The following CCDC50 variants were observed in gnomAD, a reference collection of about 807,000 sequenced individuals.
The protein encoded by CCDC50 is coiled-coil domain-containing protein 50.
CCDC50 carries 54 observed loss-of-function variants against 70.2 expected under a neutral mutation model. The observed-to-expected ratio is 0.77, with a 90% confidence interval of 0.62 to 0.96. CCDC50 has a LOEUF of 0.96. Ranked by LOEUF, CCDC50 falls within the 50% of genes least tolerant of loss-of-function variation. CCDC50 has a pLI of 0.00. For synonymous variants in CCDC50, 216 were observed against 198.8 expected (o/e 1.09, Z -0.73); for missense variants, 558 against 578.7 (o/e 0.96, Z 0.37).
At chr3:191,334,017 TA>T (rs1416764470) in intron 1 of CCDC50, among the ~76,000 whole-genome samples, 2 of 152,322 alleles carry the variant, frequency 1.3e-5, no homozygotes, top group African/African-American at 2.4e-5. Flanking sequence ...TAAAATTTTC[TA>T]AATGCTATTT....
intron 5 of CCDC50, among the ~76,000 whole-genome samples, chr3:191,371,909 T>A (rs184647266): frequency 6.6e-6 from 1 of 152,344 alleles, no homozygotes; most frequent in Non-Finnish European, 1.5e-5. Flanking sequence ...CTTAGAAATG[T>A]GGCCTGGTGT....
At position 191,393,883 on chromosome 3, in the gene CCDC50, A is replaced by G. The variant is rs1713776071; in HGVS notation, c.*2123A>G. On this transcript the variant is annotated 3_prime_UTR_variant, in exon 12 of 12. Transcript: ENST00000392455. ...ATTGTAATTTTAAAGGAAAAAAACA[A>G]TGTATTTTTATTTGATAACTAGGCA... 1.3e-5 allele frequency: 2 copies of G among 152,316 alleles called. No homozygotes were observed. Among genetic ancestry groups the G allele is most frequent in the Admixed American group, 6.5e-5 (1 of 15,304 alleles). The allele number at this position is 152,316 out of a possible 1,614,324, so 9.4% of individuals were successfully genotyped here. A position where few individuals can be genotyped will look rare whatever the true frequency, so the allele number is the denominator to read the frequency against.
chr3:191,361,784 G>T (rs927798444), intron 4 of CCDC50, among the ~76,000 whole-genome samples: 2 of 152,182 alleles, frequency 1.3e-5, no homozygotes, highest in Non-Finnish European at 2.9e-5. Context: ...AATGAATTTA[G>T]AGAGGGCACA....
intron 11 of CCDC50, among the ~76,000 whole-genome samples, chr3:191,391,404 G>A (rs1271378049): frequency 6.6e-6 from 1 of 152,106 alleles, no homozygotes; most frequent in Non-Finnish European, 1.5e-5. Context: ...TAAAAGTAAG[G>A]TTAGTTGGAC....
At chr3:191,366,902 C>G (rs1339334393) in intron 4 of CCDC50, among the ~76,000 whole-genome samples, 31 of 151,974 alleles carry the variant, frequency 2.0e-4, no homozygotes, top group Non-Finnish European at 4.4e-5. Context: ...TTAGCTACAT[C>G]CAAGTACTGT....
chr3:191,370,482 T>G (rs1279883201), intron 5 of CCDC50, among the ~76,000 whole-genome samples: 5 of 133,302 alleles, frequency 3.8e-5, no homozygotes, highest in South Asian at 2.3e-4. Flanking sequence ...TTGTTTGTTT[T>G]TTTGTTTTTT....
chr3:191,372,897 A>G (rs1022834969), intron 5 of CCDC50, among the ~76,000 whole-genome samples: 3 of 152,116 alleles, frequency 2.0e-5, no homozygotes, highest in African/African-American at 4.8e-5. Context: ...ACTAAATAAA[A>G]TGGAGATTAT....
chr3:191,392,035 C>T lies in CCDC50; in HGVS notation c.*275C>T, dbSNP rs113091922. ...TAGTATCTAAGACCTTTGTAAACTG[C>T]CATTTTGTTAGGTATGGAGTTTGGT... On this transcript the variant is annotated 3_prime_UTR_variant, in exon 12 of 12. Transcript: ENST00000392455. 3.0e-5 allele frequency: 12 copies of T among 397,522 alleles called. 1 individual carries two copies. The highest frequency in any genetic ancestry group is 1.4e-4 in the African/African-American group (7 of 49,800). 24.6% of individuals were successfully genotyped at this position (397,522 alleles called of 1,614,324 possible).
chr3:191,337,004 C>A (rs1711540108), intron 1 of CCDC50, among the ~76,000 whole-genome samples: 1 of 152,100 alleles, frequency 6.6e-6, no homozygotes, highest in African/African-American at 2.4e-5. Context: ...GTATGAAATT[C>A]AAATTTCAGT....
At chr3:191,373,624 C>T (rs773396414) in intron 5 of CCDC50, among the ~76,000 whole-genome samples, 179 of 152,016 alleles carry the variant, frequency 1.2e-3, no homozygotes, top group Non-Finnish European at 1.8e-3. Context: ...CTCATGTTGT[C>T]ACGATAGTCT....
intron 5 of CCDC50, among the ~76,000 whole-genome samples, chr3:191,374,114 A>C (rs182684092): frequency 7.2e-5 from 11 of 152,306 alleles, no homozygotes; most frequent in Admixed American, 3.3e-4. Context: ...AAAGTTTTAG[A>C]AAATGTTAAA....
intron 1 of CCDC50, among the ~76,000 whole-genome samples, chr3:191,340,471 T>C (rs948718828): frequency 6.6e-6 from 1 of 152,236 alleles, no homozygotes; most frequent in African/African-American, 2.4e-5. Context: ...CCAAAAAGTT[T>C]TAATCTGCAT....
intron 6 of CCDC50, among the ~76,000 whole-genome samples, chr3:191,378,913 C>G (rs1447017502): frequency 6.6e-6 from 1 of 152,066 alleles, no homozygotes; most frequent in Non-Finnish European, 1.5e-5. Flanking sequence ...GTAGGAAATA[C>G]AGATGTGTAT....
In CCDC50 at chr3:191,380,876, G is replaced by C; in HGVS notation, c.1186G>C (p.Ala396Pro). ...MAEEKKAYKK[A>P]KEREKSSLDK... ...TGAAGAAAAGAAAGCTTACAAAAAAGCCAAGGAGCGGGAGAAATCATCTTT... is the reference window on the plus strand; with the variant it reads ...TGAAGAAAAGAAAGCTTACAAAAAACCCAAGGAGCGGGAGAAATCATCTTT... Residue 396 changes from alanine (A) to proline (P), a missense_variant, in exon 9 of 12, where the codon GCC (alanine) becomes CCC (proline). By Grantham distance (27) the Ala-to-Pro change is conservative. Transcript: ENST00000392455. 2 of 1,612,940 alleles carry C rather than the reference G, an allele frequency of 1.2e-6. No individual in the cohort carries two copies. The highest frequency in any genetic ancestry group is 1.7e-6 in the Non-Finnish European group (2 of 1,179,254).
At chr3:191,355,260 T>C (rs2108646812) in intron 1 of CCDC50, among the ~76,000 whole-genome samples, 1 of 152,352 alleles carries the variant, frequency 6.6e-6, no homozygotes, top group African/African-American at 2.4e-5. Context: ...GTGTTTTAAA[T>C]GATAGGTCAA....
intron 4 of CCDC50, among the ~76,000 whole-genome samples, chr3:191,362,848 CAG>C (rs1712543465): frequency 6.6e-6 from 1 of 152,158 alleles, no homozygotes; most frequent in Non-Finnish European, 1.5e-5. Flanking sequence ...ATGTGATAAT[CAG>C]AGCTGCAAGT....
intron 11 of CCDC50, among the ~76,000 whole-genome samples, chr3:191,391,127 A>G (rs1410055230): frequency 6.6e-6 from 1 of 152,050 alleles, no homozygotes; most frequent in Non-Finnish European, 1.5e-5. Flanking sequence ...ATTATATCTC[A>G]TTAATTGATG....
At chr3:191,332,605 G>A (rs966993985) in intron 1 of CCDC50, among the ~76,000 whole-genome samples, 3 of 152,312 alleles carry the variant, frequency 2.0e-5, no homozygotes, top group African/African-American at 4.8e-5. Flanking sequence ...TGCAATTTGC[G>A]AATGTTAGGG....
Position 191,386,216 on chromosome 3 carries a change from ATTTTTTT to A in CCDC50, c.1323-3260_1323-3254del, listed in dbSNP as rs76983981. On this transcript the variant is annotated intron_variant, in intron 10 of 11. Transcript: ENST00000392455. The stretch of plus-strand genomic sequence containing the variant: ...GTGGATTGCTTTGTTTAGTATGGGC[ATTTTTTT>A]TTTTTTTTTTTTTTTTTTTGAGACG... 2.7e-3 allele frequency among the ~76,000 whole-genome samples: 344 copies of A among 125,722 alleles called. 1 individual carries two copies. Among genetic ancestry groups the A allele is most frequent in the African/African-American group, 0.011 (296 of 27,108 alleles). 82.5% of individuals were successfully genotyped at this position (125,722 alleles called of 152,430 possible). A position where few individuals can be genotyped will look rare whatever the true frequency, so the allele number is the denominator to read the frequency against.
Sources: gnomAD v4.1 joint callset for allele counts (sites outside exome capture counted in the v4.1 genomes callset) on GRCh38, gnomAD v4.1.1 for gene constraint, MANE v1.5 for transcripts, NCBI Gene and HGNC (gene_info 2026-07-23, HGNC 2026-07-21) for gene names.